Variants in LIMA1 observed in about 807,000 individuals in gnomAD.
The protein encoded by LIMA1 is LIM domain and actin-binding protein 1.
A neutral mutation model predicts 62.6 loss-of-function variants in LIMA1; 52 were observed. The ratio of observed to expected loss-of-function variants is 0.83; its 90% CI spans 0.67 to 1.05. The LOEUF (loss-of-function observed/expected upper bound fraction) is 1.05, where lower values mean the gene tolerates loss of function less well. Ranked by LOEUF, LIMA1 falls within the 50% of genes least tolerant of loss-of-function variation. LIMA1 has a pLI of 0.00. For missense variants in LIMA1, 780 were observed against 902.2 expected (o/e 0.86, Z 1.74); for synonymous variants, 302 against 317.8 (o/e 0.95, Z 0.53).
intron 1 of LIMA1, among the ~76,000 whole-genome samples, chr12:50,256,958 C>T (rs569465234): frequency 2.6e-5 from 4 of 152,158 alleles, no homozygotes; most frequent in East Asian, 1.9e-4. Context: ...TTATTACTCA[C>T]GACATTAGCC....
chr12:50,220,351 C>T (rs191824923), intron 4 of LIMA1, among the ~76,000 whole-genome samples: 6 of 152,268 alleles, frequency 3.9e-5, no homozygotes, highest in African/African-American at 9.6e-5. Flanking sequence ...TGAGCCACCA[C>T]GCCCGGACTA....
chr12:50,282,909 G>A (rs913834369), intron 1 of LIMA1, among the ~76,000 whole-genome samples: 1 of 152,160 alleles, frequency 6.6e-6, no homozygotes, highest in South Asian at 2.1e-4. Context: ...ATAGCGATTC[G>A]GGGATGACAC....
chr12:50,201,042 T>C, intron 6 of LIMA1, 158 bp from the exon 7 acceptor site: 1 of 1,421,902 alleles, frequency 7.0e-7, no homozygotes, highest in Non-Finnish European at 9.1e-7. Context: ...ACCCACTGAC[T>C]AGTGAAATGA....
In LIMA1 at chr12:50,177,838, A is replaced by C. The variant is rs1323919510; in HGVS notation, c.1506T>G (p.Gly502=). Residue 502 remains glycine, a synonymous_variant, in exon 11 of 11, where the codon GGT becomes GGG. Coordinates refer to ENST00000341247, the MANE Select transcript of LIMA1 (RefSeq NM_016357.5). ...GVEDAPIAKV[G]VLAASMEAKA... is the part of the protein sequence containing the mutation. ...TGGCTTCCATACTTGCAGCCAGGAC[A>C]CCCACCTTAGCAATAGGGGCATCTT... 2 of 1,613,168 alleles carry C rather than the reference A, an allele frequency of 1.2e-6. No homozygotes were observed. Among genetic ancestry groups the C allele is most frequent in the East Asian group, 4.5e-5 (2 of 44,860 alleles).
intron 1 of LIMA1, among the ~76,000 whole-genome samples, chr12:50,265,384 G>A (rs2138682822): frequency 6.6e-6 from 1 of 152,184 alleles, no homozygotes; most frequent in East Asian, 1.9e-4. Context: ...GCCGGGCGTG[G>A]TGGCGCATGC....
intron 3 of LIMA1, among the ~76,000 whole-genome samples, chr12:50,223,470 G>A (rs1174276144): frequency 6.9e-6 from 1 of 145,920 alleles, no homozygotes; most frequent in African/African-American, 2.6e-5. Flanking sequence ...GTGACAAAGT[G>A]AGACGCCATC....
At chr12:50,211,865 C>T (rs1941263432) in intron 4 of LIMA1, among the ~76,000 whole-genome samples, 1 of 152,072 alleles carries the variant, frequency 6.6e-6, no homozygotes, top group Admixed American at 6.6e-5. Flanking sequence ...CACATTTTAG[C>T]TCTTTTTACT....
At chr12:50,188,318 G>A (rs560607076) in intron 9 of LIMA1, 2 of 152,334 alleles carry the variant, frequency 1.3e-5, no homozygotes, top group East Asian at 3.9e-4. Context: ...CTGCAGCCAT[G>A]AGACCAGTTC....
intron 1 of LIMA1, among the ~76,000 whole-genome samples, chr12:50,280,450 G>A (rs775509510): frequency 2.6e-5 from 4 of 152,068 alleles, no homozygotes; most frequent in Non-Finnish European, 5.9e-5. Context: ...GAGCCACCGC[G>A]CCCGGCCCAG....
chr12:50,278,266 A>T (rs976393896), intron 1 of LIMA1, among the ~76,000 whole-genome samples: 1 of 152,128 alleles, frequency 6.6e-6, no homozygotes, highest in African/African-American at 2.4e-5. Flanking sequence ...TAAAAATAAA[A>T]AAAAAAATAG....
intron 2 of LIMA1, among the ~76,000 whole-genome samples, chr12:50,239,852 G>T (rs781781324): frequency 6.6e-6 from 1 of 151,160 alleles, no homozygotes; most frequent in Non-Finnish European, 1.5e-5. Flanking sequence ...TAACTAGCAG[G>T]GCTTGGTGGC....
chr12:50,177,276 C>T lies in LIMA1; in HGVS notation c.2068G>A (p.Asp690Asn). 16 of 1,614,144 alleles carry T rather than the reference C, an allele frequency of 9.9e-6. No homozygotes were observed. The highest frequency in any genetic ancestry group is 1.3e-5 in the African/African-American group (1 of 75,032). Reference sequence around the variant, plus strand: ...GATTGTTGTTTGAGGAAGCTGTTATCATCTTCATCGGAGTCTGCACCATTT... The same window carrying T: ...GATTGTTGTTTGAGGAAGCTGTTATTATCTTCATCGGAGTCTGCACCATTT... ...VENGADSDED[D>N]NSFLKQQSPQ... Residue 690 changes from aspartate (D) to asparagine (N), a missense_variant, in exon 11 of 11, where the codon GAT becomes AAT. Transcript: ENST00000341247.
rs1188054005 is a variant in LIMA1 at position 50,200,870 on chromosome 12, G to A, written c.879C>T (p.Ala293=). 2.5e-6 allele frequency: 4 copies of A among 1,613,500 alleles called. No individual in the cohort carries two copies. The highest frequency in any genetic ancestry group is 3.4e-6 in the Non-Finnish European group (4 of 1,179,876). Residue 293 remains alanine (A), a synonymous_variant, in exon 7 of 11, where the codon GCC becomes GCT. Transcript: ENST00000341247. Reference sequence around the variant, plus strand: ...TATGAATTTTGATTTCGCCACCACTGGCTTTCAGCTCATTCTACAAAATAA... The same window carrying A: ...TATGAATTTTGATTTCGCCACCACTAGCTTTCAGCTCATTCTACAAAATAA... The part of the protein sequence containing the change: ...SSTNYTNELK[A]SGGEIKIHKM...
At chr12:50,261,040 A>ATTTTT (rs1394809506) in intron 1 of LIMA1, among the ~76,000 whole-genome samples, 7 of 48,912 alleles carry the variant, frequency 1.4e-4, no homozygotes, top group East Asian at 1.5e-3. Context: ...GCCATCTAGT[A>ATTTTT]TATTTTTTTT....
chr12:50,251,667 G>T (rs1449995428), intron 1 of LIMA1, among the ~76,000 whole-genome samples: 4 of 150,220 alleles, frequency 2.7e-5, no homozygotes, highest in Admixed American at 2.7e-4. Flanking sequence ...AAAAGGAAAA[G>T]GATTTATTAT....
rs532664379 is a variant in LIMA1, at chr12:50,235,594, A to C, written c.120-3884T>G. On this transcript the variant is annotated intron_variant, in intron 2 of 10. Transcript: ENST00000341247. The stretch of plus-strand genomic sequence containing the variant: ...ATCCTATCACTGTCTAATTTTAATA[A>C]TCAGATATTAACAAGCATCTCAGTC... Among the ~76,000 whole-genome samples the C allele has an allele frequency of 4.6e-5, 7 of 152,182 alleles. No individual in the cohort carries two copies. The East Asian group carries it at 1.4e-3, about 29-fold the overall frequency.
intron 1 of LIMA1, among the ~76,000 whole-genome samples, chr12:50,258,015 T>C (rs187791812): frequency 7.9e-5 from 12 of 152,344 alleles, no homozygotes. Context: ...TTGGCTTGGC[T>C]CCAGTGTTCT....
At chr12:50,252,858 A>G (rs932927186) in intron 1 of LIMA1, among the ~76,000 whole-genome samples, 13 of 152,220 alleles carry the variant, frequency 8.5e-5, no homozygotes, top group Non-Finnish European at 1.6e-4. Context: ...AGCATGTAAC[A>G]TGACTAACAT....
intron 3 of LIMA1, among the ~76,000 whole-genome samples, chr12:50,230,902 G>A (rs900208949): frequency 6.6e-6 from 1 of 152,176 alleles, no homozygotes; most frequent in African/African-American, 2.4e-5. Context: ...TGCACCAGAG[G>A]AGACCCATTT....
Sources: allele counts gnomAD v4.1 joint callset (sites outside exome capture counted in the v4.1 genomes callset), GRCh38; gene constraint gnomAD v4.1.1; transcripts MANE v1.5; gene names NCBI Gene and HGNC (gene_info 2026-07-23, HGNC 2026-07-21).